Variants in SLC9C2 observed in about 807,000 individuals in gnomAD.
SLC9C2 encodes sodium/hydrogen exchanger 11.
SLC9C2 carries 75 observed loss-of-function variants against 140.2 expected under a neutral mutation model. The ratio of observed to expected loss-of-function variants is 0.53; its 90% CI spans 0.44 to 0.65. The LOEUF (loss-of-function observed/expected upper bound fraction) is 0.65. Among genes scored for constraint, SLC9C2 ranks in the 30% least tolerant of loss-of-function variants. The probability of loss-of-function intolerance (pLI) is 0.00; values close to 1 mark genes in which losing one functional copy is unlikely to be tolerated. For synonymous variants in SLC9C2, 375 were observed against 420.9 expected (o/e 0.89, Z 1.34); for missense variants, 1,074 against 1,331.8 (o/e 0.81, Z 3.01).
chr1:173,584,430 GC>G (rs2102227456), intron 5 of SLC9C2, among the ~76,000 whole-genome samples: 1 of 152,188 alleles, frequency 6.6e-6, no homozygotes, highest in Admixed American at 6.5e-5. Flanking sequence ...TGTAGTGCAG[GC>G]CTGCTGATGA....
At chr1:173,519,136 A>C (rs12034533) in intron 22 of SLC9C2, among the ~76,000 whole-genome samples, 22,374 of 151,938 alleles carry the variant, frequency 0.15, 2,265 homozygotes, top group East Asian at 0.36. Context: ...GACTGTAATC[A>C]CATGAGCCCT....
chr1:173,553,088 G>A (rs1049339345), intron 11 of SLC9C2, among the ~76,000 whole-genome samples: 1 of 152,180 alleles, frequency 6.6e-6, no homozygotes, highest in Non-Finnish European at 1.5e-5. Context: ...TTCAGTGGAG[G>A]AAGTAACTGC....
At chr1:173,511,238 G>A (rs1231375006) in intron 23 of SLC9C2, among the ~76,000 whole-genome samples, 2 of 151,714 alleles carry the variant, frequency 1.3e-5, no homozygotes, top group Admixed American at 1.3e-4. Context: ...CCCCATGTTG[G>A]CCAGGATGGT....
chr1:173,591,340 T>C (rs1290330283), intron 4 of SLC9C2, among the ~76,000 whole-genome samples: 2 of 152,228 alleles, frequency 1.3e-5, no homozygotes, highest in Non-Finnish European at 2.9e-5. Context: ...TGAATATTCA[T>C]GTGCATGTAT....
intron 15 of SLC9C2, 115 bp from the exon 16 acceptor site, chr1:173,534,797 A>C (rs937945486): frequency 6.7e-5 from 56 of 836,126 alleles, no homozygotes; most frequent in Middle Eastern, 4.1e-4. Flanking sequence ...CATAATATAA[A>C]ATAATAGTAA....
At chr1:173,550,999 G>A (rs975586605) in intron 11 of SLC9C2, among the ~76,000 whole-genome samples, 29 of 151,828 alleles carry the variant, frequency 1.9e-4, no homozygotes, top group African/African-American at 6.1e-4. Flanking sequence ...TCTGCCCCAC[G>A]TGCTAGCCTC....
At chr1:173,581,085 C>T (rs1326439698) in intron 7 of SLC9C2, among the ~76,000 whole-genome samples, 3 of 152,234 alleles carry the variant, frequency 2.0e-5, no homozygotes, top group East Asian at 3.9e-4. Context: ...AATTAATCTG[C>T]AGAAGAAGCA....
At chr1:173,527,426 C>G (rs770105727) in intron 18 of SLC9C2, among the ~76,000 whole-genome samples, 14 of 152,144 alleles carry the variant, frequency 9.2e-5, no homozygotes, top group Non-Finnish European at 1.9e-4. Context: ...GGGAAGCCAG[C>G]CTATCAGGAG....
chr1:173,565,976 C>T (rs10912646), intron 9 of SLC9C2, among the ~76,000 whole-genome samples: 34,828 of 151,984 alleles, frequency 0.23, 5,210 homozygotes, highest in East Asian at 0.64. Flanking sequence ...TGATGTATCA[C>T]ATAGATTGAT....
intron 3 of SLC9C2, among the ~76,000 whole-genome samples, chr1:173,599,478 C>T (rs1390149015): frequency 2.0e-5 from 3 of 148,166 alleles, no homozygotes; most frequent in African/African-American, 7.4e-5. Context: ...GGGTTCACGC[C>T]ATTCTCCCGC....
intron 9 of SLC9C2, among the ~76,000 whole-genome samples, chr1:173,559,783 CAGT>C: frequency 6.6e-6 from 1 of 152,364 alleles, no homozygotes; most frequent in South Asian, 2.1e-4. Flanking sequence ...CATTTCTACT[CAGT>C]AGCCTTAGGC....
intron 4 of SLC9C2, among the ~76,000 whole-genome samples, chr1:173,590,239 T>C (rs1055020779): frequency 2.4e-4 from 31 of 127,738 alleles, no homozygotes; most frequent in Non-Finnish European, 1.2e-4. Flanking sequence ...TGAGACTCCA[T>C]CTCAAAAAAA....
At chr1:173,600,690 G>A (rs1325994241) in intron 2 of SLC9C2, among the ~76,000 whole-genome samples, 2 of 152,114 alleles carry the variant, frequency 1.3e-5, no homozygotes, top group African/African-American at 4.8e-5. Flanking sequence ...ACCAGATAAA[G>A]ATATGTTTTT....
intron 26 of SLC9C2, among the ~76,000 whole-genome samples, chr1:173,504,088 G>T (rs1356977268): frequency 6.6e-6 from 1 of 152,142 alleles, no homozygotes; most frequent in Non-Finnish European, 1.5e-5. Context: ...CCCCAAGAGT[G>T]ATTTGAAAGC....
chr1:173,572,557 A>C (rs1664908590), intron 9 of SLC9C2, among the ~76,000 whole-genome samples: 1 of 152,210 alleles, frequency 6.6e-6, no homozygotes, highest in Non-Finnish European at 1.5e-5. Flanking sequence ...GCCATTCTAG[A>C]ATAAGGATGC....
At chr1:173,579,102 G>A (rs1665365661) in intron 7 of SLC9C2, among the ~76,000 whole-genome samples, 1 of 152,168 alleles carries the variant, frequency 6.6e-6, no homozygotes, top group South Asian at 2.1e-4. Context: ...TTAAGCCTGA[G>A]GGGTTAATGC....
chr1:173,582,027 A>G lies in SLC9C2; in HGVS notation c.641-19T>C. On this transcript the variant is annotated intron_variant, in intron 6 of 27. Transcript: ENST00000367714. ...TGTAAATCTAAAAAAAAGAAAGAAA[A>G]AATAAGAAATAAAAACTTGAGCTAT... is the stretch of plus-strand genomic sequence containing the variant. 6.8e-7 allele frequency: 1 copy of G among 1,475,894 alleles called. No individual in the cohort carries two copies. 91.4% of individuals were successfully genotyped at this position (1,475,894 alleles called of 1,614,324 possible). A position where few individuals can be genotyped will look rare whatever the true frequency, so the allele number is the denominator to read the frequency against.
At chr1:173,590,908 C>A (rs918264543) in intron 4 of SLC9C2, among the ~76,000 whole-genome samples, 2 of 152,086 alleles carry the variant, frequency 1.3e-5, no homozygotes, top group African/African-American at 2.4e-5. Context: ...TAAAAAAATA[C>A]TTTTATTTTA....
chr1:173,537,049 C>T lies in SLC9C2; in HGVS notation c.1558-10G>A. ...GTTTTTCAAAGCTACTCTAAACATA[C>T]ATTAAATGAAGATTACAAAAGATCA... is the stretch of plus-strand genomic sequence containing the variant. On this transcript the variant is annotated splice_polypyrimidine_tract_variant and intron_variant, in intron 13 of 27. Transcript: ENST00000367714. The T allele has an allele frequency of 1.9e-6, 3 of 1,598,364 alleles. No individual in the cohort carries two copies. Among genetic ancestry groups the T allele is most frequent in the Non-Finnish European group, 2.6e-6 (3 of 1,166,414 alleles).
Sources: gnomAD v4.1 joint callset for allele counts (sites outside exome capture counted in the v4.1 genomes callset) on GRCh38, gnomAD v4.1.1 for gene constraint, MANE v1.5 for transcripts, NCBI Gene and HGNC (gene_info 2026-07-23, HGNC 2026-07-21) for gene names.